The following HIPK3 variants were observed in gnomAD, a reference collection of about 807,000 sequenced individuals.
HIPK3 encodes the protein homeodomain interacting protein kinase 3.
Under a neutral mutation model 124.2 loss-of-function variants are expected in HIPK3, and 47 were observed. That is an observed-to-expected ratio of 0.38 (90% CI 0.30 to 0.48). HIPK3 has a LOEUF of 0.48. HIPK3 is among the 20% of genes least tolerant of loss of function. The pLI is 0.98. For missense variants in HIPK3, 1,286 were observed against 1,454.3 expected (o/e 0.88, Z 1.88); for synonymous variants, 482 against 515.2 (o/e 0.94, Z 0.87).
At position 33,257,640 on chromosome 11, in the gene HIPK3, G is replaced by C. The variant is rs2133853364; in HGVS notation, c.-252G>C. ...CAAATCCCCGGGAAGGAAGATGAGG[G>C]AGACGGGCCCGGCGCTTAGCAGCCA... On this transcript the variant is annotated 5_prime_UTR_variant, in exon 1 of 17. Transcript: ENST00000303296. 2 of 990,680 alleles carry C rather than the reference G, an allele frequency of 2.0e-6. No individual in the cohort carries two copies. The highest frequency in any genetic ancestry group is 1.1e-4 in the East Asian group (1 of 8,940). 61.4% of individuals were successfully genotyped at this position (990,680 alleles called of 1,614,324 possible).
intron 16 of HIPK3, 69 bp downstream of exon 16, chr11:33,352,334 A>G: frequency 6.5e-7 from 1 of 1,532,396 alleles, no homozygotes; most frequent in Non-Finnish European, 9.0e-7. Flanking sequence ...CACGTGGAGG[A>G]GAAAGCTTCT....
chr11:33,259,401 A>T (rs888463849), intron 1 of HIPK3, among the ~76,000 whole-genome samples: 17 of 152,242 alleles, frequency 1.1e-4, no homozygotes, highest in Non-Finnish European at 8.8e-5. Context: ...TACAATGAGC[A>T]ATGATAAGGT....
At chr11:33,269,354 A>G (rs1021209965) in intron 1 of HIPK3, among the ~76,000 whole-genome samples, 3 of 152,160 alleles carry the variant, frequency 2.0e-5, no homozygotes, top group Non-Finnish European at 4.4e-5. Context: ...TCCTCTCTCA[A>G]GGAAAGAAAC....
At chr11:33,286,182 C>T (rs1851545264) in intron 1 of HIPK3, among the ~76,000 whole-genome samples, 1 of 151,990 alleles carries the variant, frequency 6.6e-6, no homozygotes, top group Non-Finnish European at 1.5e-5. Context: ...CCTTTTAACG[C>T]AATACTCAGA....
At chr11:33,272,795 T>TCCTTCCTCCCTCCC (rs1431566373) in intron 1 of HIPK3, among the ~76,000 whole-genome samples, 27 of 1,090 alleles carry the variant, frequency 0.025, no homozygotes, top group South Asian at 0.091. Flanking sequence ...CCCTCCCTCC[T>TCCTTCCTCCCTCCC]TCCTTCCTTC....
chr11:33,280,282 G>A (rs1052659442), intron 1 of HIPK3, among the ~76,000 whole-genome samples: 1 of 152,144 alleles, frequency 6.6e-6, no homozygotes, highest in Non-Finnish European at 1.5e-5. Context: ...ATGAAAAATA[G>A]GAAATAGTAT....
At chr11:33,333,344 A>T (rs760438012) in intron 3 of HIPK3, among the ~76,000 whole-genome samples, 7 of 152,142 alleles carry the variant, frequency 4.6e-5, no homozygotes, top group Non-Finnish European at 1.0e-4. Context: ...GTCTATTCTG[A>T]TCTGAGTTTC....
At chr11:33,297,712 A>T (rs997336008) in intron 2 of HIPK3, among the ~76,000 whole-genome samples, 3 of 151,068 alleles carry the variant, frequency 2.0e-5, no homozygotes, top group African/African-American at 7.3e-5. Flanking sequence ...TTGTAAGATG[A>T]TACCATCTAG....
intron 8 of HIPK3, among the ~76,000 whole-genome samples, chr11:33,341,974 G>T (rs770198975): frequency 6.6e-6 from 1 of 151,916 alleles, no homozygotes; most frequent in Admixed American, 6.6e-5. Context: ...GGTGGTGCGT[G>T]CCTGTAGTCC....
intron 8 of HIPK3, among the ~76,000 whole-genome samples, chr11:33,344,906 CT>C (rs917152959): frequency 1.3e-5 from 2 of 152,156 alleles, no homozygotes; most frequent in Non-Finnish European, 2.9e-5. Flanking sequence ...TGCCCCTCCC[CT>C]TCATTTACCC....
intron 1 of HIPK3, among the ~76,000 whole-genome samples, chr11:33,271,011 A>G (rs1240957323): frequency 6.6e-6 from 1 of 152,198 alleles, no homozygotes; most frequent in Non-Finnish European, 1.5e-5. Context: ...TGAATGATAT[A>G]TCTTTTCATG....
chr11:33,316,585 G>A (rs1233661475), intron 2 of HIPK3, among the ~76,000 whole-genome samples: 5 of 152,074 alleles, frequency 3.3e-5, no homozygotes, highest in African/African-American at 1.2e-4. Context: ...AAATTTGGGA[G>A]GCTGAGGTAA....
At position 33,341,033 on chromosome 11, in the gene HIPK3, A is replaced by G. The variant is rs762126378; in HGVS notation, c.1679A>G (p.Asn560Ser). The part of the protein sequence containing the change: ...KSHLNSCDTN[N>S]HNKTSLLRPV... ...CACCTAAATTCATGTGACACAAATA[A>G]TCACAACAAAACTTCACTTTTAAGA... Residue 560 changes from asparagine (N) to serine (S), a missense_variant, in exon 7 of 17, where the codon AAT becomes AGT. Asn to Ser is a conservative substitution (Grantham distance 46, BLOSUM62 1). Transcript: ENST00000303296. The G allele has an allele frequency of 8.8e-5, 142 of 1,609,660 alleles. 2 individuals carry two copies. In the Middle Eastern group the frequency reaches 1.5e-3, roughly 17 times the overall value.
intron 2 of HIPK3, among the ~76,000 whole-genome samples, chr11:33,322,836 A>C (rs1346857873): frequency 6.6e-6 from 1 of 152,164 alleles, no homozygotes; most frequent in Non-Finnish European, 1.5e-5. Flanking sequence ...AGAAAAAAAA[A>C]CTAGAAAAAC....
intron 1 of HIPK3, among the ~76,000 whole-genome samples, chr11:33,269,478 C>G (rs796855176): frequency 1.6e-4 from 24 of 150,812 alleles, no homozygotes; most frequent in African/African-American, 5.3e-4. Context: ...TTTTTTCCTG[C>G]TTTTTTTTTG....
chr11:33,272,642 T>G (rs1851158494), intron 1 of HIPK3, among the ~76,000 whole-genome samples: 1 of 151,856 alleles, frequency 6.6e-6, no homozygotes, highest in African/African-American at 2.4e-5. Context: ...CTTTTTTCCT[T>G]TCCCTTCCCT....
chr11:33,315,376 G>A (rs949893130), intron 2 of HIPK3, among the ~76,000 whole-genome samples: 5 of 152,134 alleles, frequency 3.3e-5, no homozygotes, highest in South Asian at 2.1e-4. Context: ...ACAGGCACGC[G>A]CCACCACACC....
intron 2 of HIPK3, among the ~76,000 whole-genome samples, chr11:33,321,593 C>A (rs746869677): frequency 7.9e-5 from 12 of 152,112 alleles, no homozygotes; most frequent in Non-Finnish European, 1.2e-4. Flanking sequence ...AATGTGGAAG[C>A]TGTCTTTCAA....
At chr11:33,281,113 A>G (rs1413544638) in intron 1 of HIPK3, among the ~76,000 whole-genome samples, 3 of 133,062 alleles carry the variant, frequency 2.3e-5, no homozygotes, top group African/African-American at 8.6e-5. Flanking sequence ...TCTGTCGCCC[A>G]GGCTGGAGTG....
Sources: gnomAD v4.1 joint callset for allele counts (sites outside exome capture counted in the v4.1 genomes callset) on GRCh38, gnomAD v4.1.1 for gene constraint, MANE v1.5 for transcripts, NCBI Gene and HGNC (gene_info 2026-07-23, HGNC 2026-07-21) for gene names.